Variants in SOX6 observed in about 807,000 individuals in gnomAD.
SOX6 encodes the protein SRY-box transcription factor 6, also known as transcription factor SOX-6.
In SOX6, 11 loss-of-function variants were observed where a neutral mutation model predicts 97.8. The ratio of observed to expected loss-of-function variants is 0.11; its 90% CI spans 0.07 to 0.19. SOX6 has a LOEUF of 0.19. Among genes scored for constraint, SOX6 ranks in the 10% least tolerant of loss-of-function variants. SOX6 has a pLI of 1.00. For synonymous variants in SOX6, 360 were observed against 371.4 expected (o/e 0.97, Z 0.35); for missense variants, 810 against 1,039.5 (o/e 0.78, Z 3.04).
At chr11:16,476,563 A>T (rs1246117014), upstream of SOX6, among the ~76,000 whole-genome samples, 1 of 152,218 alleles carries the variant, frequency 6.6e-6, no homozygotes, top group African/African-American at 2.4e-5. Flanking sequence ...CAATTATTTC[A>T]TGGTTCTACA....
At chr11:16,215,027 C>T (rs1004921828) in intron 4 of SOX6, among the ~76,000 whole-genome samples, 4 of 152,078 alleles carry the variant, frequency 2.6e-5, no homozygotes, top group African/African-American at 4.8e-5. Flanking sequence ...GGATTACAGG[C>T]GTGAGCCATC....
At chr11:16,065,121 A>T (rs768892273) in intron 9 of SOX6, among the ~76,000 whole-genome samples, 3 of 152,078 alleles carry the variant, frequency 2.0e-5, no homozygotes, top group Admixed American at 6.6e-5. Context: ...GAAAAACCTG[A>T]AGACTCCACA....
rs75862985 is a variant in SOX6 at position 16,124,858 on chromosome 11, G to A, written c.778-12935C>T. Among the ~76,000 whole-genome samples, 56 of 152,164 alleles carry A rather than the reference G, an allele frequency of 3.7e-4. 1 individual carries two copies. The East Asian group carries it at 9.5e-3, about 26-fold the overall frequency. Reference sequence around the variant, plus strand: ...CTATAATAGGGCAAGAATGAACGCAGAGAGACAAGTTTAGAAAATACCTCA... The same window carrying A: ...CTATAATAGGGCAAGAATGAACGCAAAGAGACAAGTTTAGAAAATACCTCA... On this transcript the variant is annotated intron_variant, in intron 6 of 15. Transcript: ENST00000683767.
chr11:15,998,097 TAAATAAAATA>T (rs532464051), intron 13 of SOX6, among the ~76,000 whole-genome samples: 5 of 149,828 alleles, frequency 3.3e-5, no homozygotes, highest in Non-Finnish European at 5.9e-5. Context: ...TAAAATAAAA[TAAATAAAATA>T]AAATAAAATA....
chr11:16,032,077 C>T (rs967012433), intron 12 of SOX6, among the ~76,000 whole-genome samples: 1 of 152,050 alleles, frequency 6.6e-6, no homozygotes, highest in African/African-American at 2.4e-5. Flanking sequence ...TTTTCATCTC[C>T]GTAAGAGTAA....
chr11:16,282,500 T>C (rs900192491), intron 3 of SOX6, among the ~76,000 whole-genome samples: 4 of 151,706 alleles, frequency 2.6e-5, no homozygotes, highest in African/African-American at 9.7e-5. Context: ...ATATGCAAAG[T>C]AACTCTATCA....
intron 1 of SOX6, among the ~76,000 whole-genome samples, chr11:16,409,399 A>T (rs1362884584): frequency 1.3e-5 from 2 of 152,120 alleles, no homozygotes; most frequent in African/African-American, 4.8e-5. Flanking sequence ...CAGCTTTAAC[A>T]TAAATTGATT....
intron 1 of SOX6, among the ~76,000 whole-genome samples, chr11:16,366,461 A>G (rs923529836): frequency 2.6e-5 from 4 of 151,622 alleles, no homozygotes; most frequent in African/African-American, 9.8e-5. Flanking sequence ...CCAGTCTATG[A>G]CAGGTATGGG....
intron 6 of SOX6, among the ~76,000 whole-genome samples, chr11:16,161,718 T>C (rs1203249437): frequency 1.3e-5 from 2 of 152,178 alleles, no homozygotes; most frequent in Non-Finnish European, 2.9e-5. Flanking sequence ...TTTTCTTTTT[T>C]CTTCTGTCCT....
intron 9 of SOX6, among the ~76,000 whole-genome samples, chr11:16,059,378 A>G (rs1847892915): frequency 6.6e-6 from 1 of 152,046 alleles, no homozygotes; most frequent in Admixed American, 6.6e-5. Flanking sequence ...TTCTATCATA[A>G]TAAATAGAAA....
At chr11:16,157,509 C>G (rs1187892538) in intron 6 of SOX6, among the ~76,000 whole-genome samples, 1 of 151,962 alleles carries the variant, frequency 6.6e-6, no homozygotes, top group African/African-American at 2.4e-5. Flanking sequence ...TGTTCTGTCC[C>G]CCAGATTTGG....
chr11:16,243,814 C>A (rs926457944), intron 3 of SOX6, among the ~76,000 whole-genome samples: 13 of 151,834 alleles, frequency 8.6e-5, no homozygotes, highest in African/African-American at 2.7e-4. Context: ...GCATAAAGTT[C>A]TTGAGATTCA....
At chr11:16,599,321 G>T (rs776366192) in intron 4 of SOX6, among the ~76,000 whole-genome samples, 1 of 152,118 alleles carries the variant, frequency 6.6e-6, no homozygotes, top group African/African-American at 2.4e-5. Context: ...AGAGCCAGTA[G>T]ATTACAGAGC....
rs1004311180 is a variant in SOX6 at position 16,107,096 on chromosome 11, T to C, written c.898+4707A>G. 6.6e-5 allele frequency among the ~76,000 whole-genome samples: 10 copies of C among 151,928 alleles called. No homozygotes were observed. The South Asian group carries it at 1.2e-3, about 19-fold the overall frequency. Reference sequence around the variant, plus strand: ...AAAATTTAGTTGAAAATAACAAGTGTTAGCAACAATGTGAAGAAATTGGAA... The same window carrying C: ...AAAATTTAGTTGAAAATAACAAGTGCTAGCAACAATGTGAAGAAATTGGAA... On this transcript the variant is annotated intron_variant, in intron 7 of 15. Transcript: ENST00000683767.
At chr11:16,230,566 TGA>T (rs1262593092) in intron 4 of SOX6, among the ~76,000 whole-genome samples, 1 of 151,780 alleles carries the variant, frequency 6.6e-6, no homozygotes, top group East Asian at 1.9e-4. Flanking sequence ...GCAGAATTAT[TGA>T]GAGACATAAA....
chr11:16,307,587 C>T (rs1855480093), intron 3 of SOX6, among the ~76,000 whole-genome samples: 1 of 152,094 alleles, frequency 6.6e-6, no homozygotes, highest in South Asian at 2.1e-4. Context: ...GGGGGATAAG[C>T]TAGAAAGCTC....
intron 12 of SOX6, among the ~76,000 whole-genome samples, chr11:16,022,380 T>TCCCA (rs1855091811): frequency 6.8e-6 from 1 of 147,714 alleles, no homozygotes; most frequent in Non-Finnish European, 1.5e-5. Flanking sequence ...CCTTCCTCCC[T>TCCCA]CCCTCCCTTC....
chr11:16,290,652 A>T (rs1241302451), intron 3 of SOX6, among the ~76,000 whole-genome samples: 1 of 152,098 alleles, frequency 6.6e-6, no homozygotes, highest in Non-Finnish European at 1.5e-5. Context: ...TCATAATCAT[A>T]GCCTTATTGA....
chr11:16,534,239 C>A (rs542599253), intron 4 of SOX6, among the ~76,000 whole-genome samples: 8 of 152,186 alleles, frequency 5.3e-5, no homozygotes, highest in East Asian at 3.9e-4. Context: ...CTAGAAAATT[C>A]TCAAATGAGC....
Sources: allele counts gnomAD v4.1 joint callset (sites outside exome capture counted in the v4.1 genomes callset), GRCh38; gene constraint gnomAD v4.1.1; transcripts MANE v1.5; gene names NCBI Gene and HGNC (gene_info 2026-07-23, HGNC 2026-07-21).